Variants in UQCC5 observed in about 807,000 individuals in gnomAD.
The protein encoded by UQCC5 is UPF0640 protein C3orf78.
the UQCC5 span, chr3:52,540,764 A>G: frequency 3.5e-6 from 1 of 287,144 alleles, no homozygotes; most frequent in East Asian, 6.2e-5. Context: ...CAATTCAAGG[A>G]TCAATCAGGA....
chr3:52,536,803 G>C, the UQCC5 span: 1 of 1,551,808 alleles, frequency 6.4e-7, no homozygotes, highest in Non-Finnish European at 8.7e-7. Flanking sequence ...GGGTGCCCGG[G>C]AAGCAGCGAT....
chr3:52,541,073 T>C, the UQCC5 span: 9 of 152,470 alleles, frequency 5.9e-5, no homozygotes, highest in African/African-American at 2.2e-4. Context: ...TGGATCTTCA[T>C]GAGGACTGTG....
At chr3:52,540,340 C>A in the UQCC5 span, 2 of 1,009,786 alleles carry the variant, frequency 2.0e-6, no homozygotes, top group Middle Eastern at 2.7e-4. Flanking sequence ...AGGTGACAGA[C>A]CTAGACTATT....
At chr3:52,536,952 AG>A in the UQCC5 span, 1 of 1,548,158 alleles carries the variant, frequency 6.5e-7, no homozygotes, top group Non-Finnish European at 8.7e-7. Flanking sequence ...GGAAGGCACG[AG>A]GCGGTAGGGA....
At chr3:52,537,524 T>A in the UQCC5 span, among the ~76,000 whole-genome samples, 2 of 152,186 alleles carry the variant, frequency 1.3e-5, no homozygotes, top group Non-Finnish European at 2.9e-5. Context: ...ACGCTATCAC[T>A]TGTGACTTGC....
At chr3:52,540,297 T>G in the UQCC5 span, 1 of 673,844 alleles carries the variant, frequency 1.5e-6, no homozygotes, top group Non-Finnish European at 2.4e-6. Context: ...TATTTTGGCA[T>G]TGAGTTAAAT....
At chr3:52,538,037 G>A in the UQCC5 span, among the ~76,000 whole-genome samples, 1 of 152,246 alleles carries the variant, frequency 6.6e-6, no homozygotes, top group Non-Finnish European at 1.5e-5. Flanking sequence ...CAAGGATTGA[G>A]TCATTTTAGG....
the UQCC5 span, among the ~76,000 whole-genome samples, chr3:52,539,498 T>C: frequency 5.3e-5 from 8 of 152,100 alleles, no homozygotes; most frequent in Non-Finnish European, 7.4e-5. Flanking sequence ...GTAATGGTGG[T>C]ATCTGGGGAG....
Sources: allele counts gnomAD v4.1 joint callset (sites outside exome capture counted in the v4.1 genomes callset), GRCh38; gene constraint gnomAD v4.1.1; transcripts MANE v1.5; gene names NCBI Gene and HGNC (gene_info 2026-07-23, HGNC 2026-07-21).